The following EVI5 variants were observed in gnomAD, a reference collection of about 807,000 sequenced individuals.
EVI5 encodes the protein ecotropic viral integration site 5.
A neutral mutation model predicts 112.0 loss-of-function variants in EVI5; 73 were observed. The ratio of observed to expected loss-of-function variants is 0.65; its 90% confidence interval spans 0.54 to 0.79. EVI5 has a LOEUF of 0.79. EVI5 is among the 30% of genes least tolerant of loss of function. The pLI is 0.00. For synonymous variants in EVI5, 305 were observed against 319.9 expected, an observed-to-expected ratio of 0.95 and a Z score of 0.50; for missense variants, 900 against 968.8, an observed-to-expected ratio of 0.93 and a Z score of 0.94.
intron 1 of EVI5, among the ~76,000 whole-genome samples, chr1:92,744,645 C>G (rs1350079298): frequency 6.7e-6 from 1 of 150,192 alleles, no homozygotes; most frequent in Non-Finnish European, 1.5e-5. Flanking sequence ...CACACACACA[C>G]AGAGGACGGC....
intron 19 of EVI5, among the ~76,000 whole-genome samples, chr1:92,533,316 G>A (rs1382231258): frequency 6.6e-6 from 1 of 152,054 alleles, no homozygotes; most frequent in Non-Finnish European, 1.5e-5. Flanking sequence ...ACCAAAAAAA[G>A]TCCAGGACCA....
At chr1:92,667,759 G>A (rs1665167007) in intron 10 of EVI5, among the ~76,000 whole-genome samples, 1 of 152,110 alleles carries the variant, frequency 6.6e-6, no homozygotes. Context: ...GGACCTACAG[G>A]CACATGCCAC....
chr1:92,728,623 G>A (rs1675983732), intron 2 of EVI5, among the ~76,000 whole-genome samples: 1 of 152,072 alleles, frequency 6.6e-6, no homozygotes, highest in Non-Finnish European at 1.5e-5. Flanking sequence ...CCTGATCTCA[G>A]GTGATCCGCC....
Position 92,509,395 on chromosome 1 carries a change from T to TA in EVI5, c.*4260dup, listed in dbSNP as rs1557681457. 6.5e-6 allele frequency: 1 copy of TA among 152,740 alleles called. No individual in the cohort carries two copies. 9.5% of individuals were successfully genotyped at this position (152,740 alleles called of 1,614,324 possible). The stretch of plus-strand genomic sequence containing the variant: ...GTCATCTCAGCAAACACTGAATACC[T>TA]AGTATCTAGCCAAAAAACAAACAAA... On this transcript the variant is annotated 3_prime_UTR_variant, in exon 20 of 20. Transcript: ENST00000684568.
At chr1:92,625,999 C>T in intron 14 of EVI5, 65 bp from the exon 15 acceptor site, 15 of 962,014 alleles carry the variant, frequency 1.6e-5, no homozygotes, top group Non-Finnish European at 2.3e-5. Context: ...GCACACACAA[C>T]AGCTATTGTG....
chr1:92,787,719 G>A (rs1221131126), upstream of EVI5, among the ~76,000 whole-genome samples: 2 of 150,426 alleles, frequency 1.3e-5, no homozygotes, highest in Non-Finnish European at 3.0e-5. Context: ...CAGCCTGGGC[G>A]ACAGAGAAAG....
intron 18 of EVI5, among the ~76,000 whole-genome samples, chr1:92,595,008 G>A (rs1482525636): frequency 2.0e-5 from 3 of 152,054 alleles, no homozygotes; most frequent in Non-Finnish European, 4.4e-5. Context: ...TCAGTGTGGC[G>A]ATTCCTCAGG....
At chr1:92,621,949 C>T (rs918957342) in intron 16 of EVI5, among the ~76,000 whole-genome samples, 2 of 151,632 alleles carry the variant, frequency 1.3e-5, no homozygotes, top group East Asian at 2.0e-4. Context: ...GGTGAAACCC[C>T]GTCTCTACCA....
intron 1 of EVI5, among the ~76,000 whole-genome samples, chr1:92,758,649 AAAG>A (rs1297677068): frequency 6.6e-6 from 1 of 152,146 alleles, no homozygotes; most frequent in Non-Finnish European, 1.5e-5. Flanking sequence ...AAAAGTGAAA[AAAG>A]AACTCAAATT....
At chr1:92,537,183 C>T (rs763962167) in intron 19 of EVI5, among the ~76,000 whole-genome samples, 2 of 152,118 alleles carry the variant, frequency 1.3e-5, no homozygotes, top group Non-Finnish European at 2.9e-5. Flanking sequence ...TTGATCACTA[C>T]TAGACAGGGT....
intron 19 of EVI5, among the ~76,000 whole-genome samples, chr1:92,555,984 T>TAA: frequency 6.6e-6 from 1 of 151,792 alleles, no homozygotes; most frequent in Non-Finnish European, 1.5e-5. Flanking sequence ...CTACCTTTAG[T>TAA]ATTTTAGTTT....
chr1:92,627,070 A>C (rs1366217104), intron 14 of EVI5, among the ~76,000 whole-genome samples: 1 of 152,138 alleles, frequency 6.6e-6, no homozygotes, highest in African/African-American at 2.4e-5. Context: ...TACATGAGTA[A>C]GTTCTTTAGT....
intron 2 of EVI5, among the ~76,000 whole-genome samples, chr1:92,711,881 C>A (rs945161603): frequency 6.6e-6 from 1 of 152,118 alleles, no homozygotes; most frequent in African/African-American, 2.4e-5. Flanking sequence ...TTATTGCTCA[C>A]AGTTTGGAGG....
At chr1:92,646,904 A>G in intron 13 of EVI5, 1 of 213,414 alleles carries the variant, frequency 4.7e-6, no homozygotes. Flanking sequence ...ACTCTGAGAG[A>G]CTGCAATATG....
intron 1 of EVI5, among the ~76,000 whole-genome samples, chr1:92,765,942 T>C (rs936153566): frequency 6.6e-6 from 1 of 151,722 alleles, no homozygotes; most frequent in Non-Finnish European, 1.5e-5. Flanking sequence ...TAGCCAGGCA[T>C]GGTGGCATGT....
At chr1:92,698,361 T>C (rs367684908) in intron 5 of EVI5, among the ~76,000 whole-genome samples, 3 of 152,158 alleles carry the variant, frequency 2.0e-5, no homozygotes, top group African/African-American at 7.2e-5. Context: ...AGACATGGAA[T>C]AAATCAACTA....
At chr1:92,546,280 CA>C (rs1445919785) in intron 19 of EVI5, among the ~76,000 whole-genome samples, 1 of 152,172 alleles carries the variant, frequency 6.6e-6, no homozygotes, top group Non-Finnish European at 1.5e-5. Context: ...GTGACAAAGA[CA>C]GAACTAGAAT....
In EVI5 at chr1:92,703,344, C is replaced by T. The variant is rs768578515; in HGVS notation, c.564+51G>A. 12 of 1,109,514 alleles carry T rather than the reference C, an allele frequency of 1.1e-5. No individual in the cohort carries two copies. The South Asian group carries it at 1.8e-4, about 17-fold the overall frequency. 68.7% of individuals were successfully genotyped at this position (1,109,514 alleles called of 1,614,324 possible). On this transcript the variant is annotated intron_variant, in intron 4 of 19. Coordinates refer to ENST00000684568, the MANE Select transcript of EVI5 (RefSeq NM_001350197.2). ...CTTCATCATGAAAAATGTATAATTT[C>T]AACCTTCCAGGAATTCATTTCATTT...
intron 1 of EVI5, among the ~76,000 whole-genome samples, chr1:92,769,870 G>A (rs577165909): frequency 2.6e-5 from 4 of 152,248 alleles, no homozygotes; most frequent in African/African-American, 4.8e-5. Flanking sequence ...CTGGGTGACA[G>A]AGTGAGACTC....
Sources: gnomAD v4.1 joint callset for allele counts (sites outside exome capture counted in the v4.1 genomes callset) on GRCh38, gnomAD v4.1.1 for gene constraint, MANE v1.5 for transcripts, NCBI Gene and HGNC (gene_info 2026-07-23, HGNC 2026-07-21) for gene names.